The following RGL1 variants were observed in gnomAD, a reference collection of about 807,000 sequenced individuals.
RGL1 encodes the protein ral guanine nucleotide dissociation stimulator-like 1.
Under a neutral mutation model 95.2 loss-of-function variants are expected in RGL1, and 24 were observed. The observed-to-expected ratio is 0.25, with a 90% CI of 0.18 to 0.35. RGL1 has a LOEUF of 0.35. RGL1 is among the 10% of genes least tolerant of loss of function. The probability of loss-of-function intolerance (pLI) is 1.00; values close to 1 mark genes in which losing one functional copy is unlikely to be tolerated. For synonymous variants in RGL1, 329 were observed against 344.9 expected, an observed-to-expected ratio of 0.95 and a Z score of 0.51; for missense variants, 715 against 936.3, an observed-to-expected ratio of 0.76 and a Z score of 3.08.
intron 2 of RGL1, among the ~76,000 whole-genome samples, chr1:183,798,861 A>G (rs1660831078): frequency 6.7e-6 from 1 of 148,900 alleles, no homozygotes; most frequent in Non-Finnish European, 1.5e-5. Flanking sequence ...TTATGTAGCC[A>G]CAGATGGCAG....
chr1:183,723,760 A>G (rs920671022), intron 1 of RGL1, among the ~76,000 whole-genome samples: 2 of 152,202 alleles, frequency 1.3e-5, no homozygotes, highest in African/African-American at 2.4e-5. Context: ...CTCCTAGGCA[A>G]TCCTAGTGCT....
intron 1 of RGL1, among the ~76,000 whole-genome samples, chr1:183,730,199 T>C (rs938801434): frequency 8.5e-5 from 13 of 152,162 alleles, no homozygotes; most frequent in Admixed American, 2.6e-4. Flanking sequence ...ATTATAAAGG[T>C]GTTGACAATT....
At chr1:183,887,334 C>A (rs1273076653) in intron 7 of RGL1, among the ~76,000 whole-genome samples, 1 of 151,566 alleles carries the variant, frequency 6.6e-6, no homozygotes, top group East Asian at 1.9e-4. Flanking sequence ...GTTTGTTTGG[C>A]ATAGTTTTCA....
At chr1:183,915,840 G>A (rs1668927796) in intron 15 of RGL1, among the ~76,000 whole-genome samples, 1 of 152,184 alleles carries the variant, frequency 6.6e-6, no homozygotes, top group African/African-American at 2.4e-5. Flanking sequence ...GGGAGCTTGG[G>A]TTCCTGTTCT....
At chr1:183,837,758 G>A (rs1414365736) in intron 2 of RGL1, among the ~76,000 whole-genome samples, 1 of 152,200 alleles carries the variant, frequency 6.6e-6, no homozygotes, top group Non-Finnish European at 1.5e-5. Context: ...TTTTGTGGAA[G>A]ACAGTTTTTC....
intron 12 of RGL1, among the ~76,000 whole-genome samples, chr1:183,902,861 G>A (rs1012974772): frequency 6.6e-6 from 1 of 152,222 alleles, no homozygotes; most frequent in East Asian, 1.9e-4. Flanking sequence ...TGGTGGCAAA[G>A]CCAGGGTTCT....
intron 1 of RGL1, among the ~76,000 whole-genome samples, chr1:183,708,473 C>T (rs1655059442): frequency 6.6e-6 from 1 of 152,154 alleles, no homozygotes; most frequent in Non-Finnish European, 1.5e-5. Context: ...CCTGGCATGA[C>T]CTCTATGTTA....
Position 183,824,718 on chromosome 1 carries a change from A to G in RGL1, c.138+18233A>G, listed in dbSNP as rs146807137. 1.2e-4 allele frequency among the ~76,000 whole-genome samples: 19 copies of G among 152,328 alleles called. No homozygotes were observed. In the East Asian group the frequency reaches 3.1e-3, roughly 25 times the overall value. ...GCTTTAATTATGGGACCTGCTTTCT[A>G]TCTTTTATAATTTGGAAAACATGTA... On this transcript the variant is annotated intron_variant, in intron 2 of 17. Transcript: ENST00000360851.
intron 1 of RGL1, among the ~76,000 whole-genome samples, chr1:183,732,233 A>G (rs1226807719): frequency 1.3e-5 from 2 of 152,172 alleles, no homozygotes; most frequent in Non-Finnish European, 2.9e-5. Context: ...TCAAGTTTAC[A>G]CTTTGGTTTA....
At chr1:183,778,815 A>G (rs1415145703) in intron 2 of RGL1, among the ~76,000 whole-genome samples, 1 of 152,180 alleles carries the variant, frequency 6.6e-6, no homozygotes, top group Non-Finnish European at 1.5e-5. Flanking sequence ...AGATCATTAC[A>G]AAAGAGGGCT....
chr1:183,689,815 G>T (rs961378422), intron 1 of RGL1, among the ~76,000 whole-genome samples: 10 of 152,264 alleles, frequency 6.6e-5, no homozygotes, highest in African/African-American at 2.4e-4. Context: ...GGGATGGGTT[G>T]ATTATGCAAT....
At chr1:183,852,408 A>G (rs1355788299) in intron 3 of RGL1, among the ~76,000 whole-genome samples, 1 of 152,220 alleles carries the variant, frequency 6.6e-6, no homozygotes, top group African/African-American at 2.4e-5. Context: ...CATGGCTCAG[A>G]GTCCACATTG....
intron 2 of RGL1, among the ~76,000 whole-genome samples, chr1:183,778,426 T>C (rs1572400924): frequency 1.3e-5 from 2 of 152,210 alleles, no homozygotes; most frequent in Admixed American, 6.5e-5. Context: ...CCTAGTGACC[T>C]CATAAACAAG....
At chr1:183,811,307 A>G (rs1331769083) in intron 2 of RGL1, among the ~76,000 whole-genome samples, 1 of 152,232 alleles carries the variant, frequency 6.6e-6, no homozygotes, top group African/African-American at 2.4e-5. Context: ...AAAAAAGGCA[A>G]TGCATGAGTT....
intron 2 of RGL1, among the ~76,000 whole-genome samples, chr1:183,841,481 GTT>G (rs1202639223): frequency 6.6e-6 from 1 of 152,132 alleles, no homozygotes; most frequent in Non-Finnish European, 1.5e-5. Context: ...TTTAAGTTTT[GTT>G]AAGTTTGCCA....
intron 4 of RGL1, among the ~76,000 whole-genome samples, chr1:183,866,558 C>T (rs1397576702): frequency 6.6e-6 from 1 of 152,094 alleles, no homozygotes; most frequent in Non-Finnish European, 1.5e-5. Context: ...GAGGCAGGAG[C>T]GGTGTTTGAG....
At chr1:183,828,255 A>G (rs901858189) in intron 2 of RGL1, among the ~76,000 whole-genome samples, 7 of 152,320 alleles carry the variant, frequency 4.6e-5, no homozygotes, top group Non-Finnish European at 8.8e-5. Flanking sequence ...TTAATATGCA[A>G]TCTAAATATT....
At chr1:183,818,267 C>T (rs1347320584) in intron 2 of RGL1, among the ~76,000 whole-genome samples, 7 of 152,130 alleles carry the variant, frequency 4.6e-5, no homozygotes, top group Non-Finnish European at 8.8e-5. Flanking sequence ...CCAGACATAA[C>T]CTATGTGGTT....
chr1:183,893,374 A>G (rs1667526160), intron 9 of RGL1, among the ~76,000 whole-genome samples: 1 of 152,228 alleles, frequency 6.6e-6, no homozygotes, highest in Admixed American at 6.5e-5. Flanking sequence ...ATTGTTTTGA[A>G]GATTCACTAT....
Sources: allele counts gnomAD v4.1 joint callset (sites outside exome capture counted in the v4.1 genomes callset), GRCh38; gene constraint gnomAD v4.1.1; transcripts MANE v1.5; gene names NCBI Gene and HGNC (gene_info 2026-07-23, HGNC 2026-07-21).